KMO: variants seen among roughly 807,000 people sequenced by gnomAD.
KMO encodes the protein kynurenine 3-hydroxylase.
KMO carries 24 observed loss-of-function variants against 57.8 expected under a neutral mutation model. The ratio of observed to expected loss-of-function variants is 0.42; its 90% CI spans 0.30 to 0.58. KMO has a LOEUF of 0.58. Ranked by LOEUF, KMO falls within the 20% of genes least tolerant of loss-of-function variation. The probability of loss-of-function intolerance (pLI) is 0.22; values close to 1 mark genes in which losing one functional copy is unlikely to be tolerated. For missense variants in KMO, 483 were observed against 588.2 expected (o/e 0.82, Z 1.85); for synonymous variants, 210 against 193.6 (o/e 1.08, Z -0.70).
intron 10 of KMO, among the ~76,000 whole-genome samples, chr1:241,577,967 C>G (rs553294881): frequency 5.2e-4 from 79 of 152,242 alleles, no homozygotes; most frequent in African/African-American, 1.8e-3. Context: ...CATCCCTGAC[C>G]CAGTGTTCTG....
chr1:241,587,062 G>T (rs1052923560), intron 11 of KMO, among the ~76,000 whole-genome samples: 1 of 152,036 alleles, frequency 6.6e-6, no homozygotes, highest in Non-Finnish European at 1.5e-5. Context: ...CTCTGCCTGC[G>T]CCTCCTAGCA....
intron 1 of KMO, among the ~76,000 whole-genome samples, chr1:241,548,378 G>C (rs1661233366): frequency 6.6e-6 from 1 of 152,178 alleles, no homozygotes; most frequent in South Asian, 2.1e-4. Flanking sequence ...ACAGAAGTCA[G>C]AATAATGTTT....
rs146945171 is a variant in KMO at position 241,562,326 on chromosome 1, C to T, written c.609C>T (p.Asn203=). 85 of 1,613,976 alleles carry T rather than the reference C, an allele frequency of 5.3e-5. No homozygotes were observed. In the African/African-American group the frequency reaches 6.9e-4, roughly 13 times the overall value. Residue 203 remains asparagine (N), a synonymous_variant, in exon 7 of 15, where the codon AAC becomes AAT. Transcript: ENST00000366559. Reference sequence around the variant, plus strand: ...TGGAGTTGACTATTCCACCTAAGAACGGAGATGTAAGTCCTTGCCCTTTTT... The same window carrying T: ...TGGAGTTGACTATTCCACCTAAGAATGGAGATGTAAGTCCTTGCCCTTTTT... ...GYMELTIPPK[N]GDYAMEPNYL...
At chr1:241,554,061 AT>A (rs1490206193) in intron 4 of KMO, among the ~76,000 whole-genome samples, 1 of 152,210 alleles carries the variant, frequency 6.6e-6, no homozygotes, top group African/African-American at 2.4e-5. Flanking sequence ...ACCAGCTTGC[AT>A]TATGACTTTA....
At chr1:241,586,616 A>AT (rs766183387) in intron 10 of KMO, 63 bp from the exon 11 acceptor site, 2 of 1,091,738 alleles carry the variant, frequency 1.8e-6, no homozygotes, top group African/African-American at 3.2e-5. Context: ...TTCAAAATCA[A>AT]TAATAAGGGT....
Position 241,592,140 on chromosome 1 carries a change from T to C in KMO, c.1448T>C (p.Leu483Pro). ...AVDSLEQISNLISR is the reference protein window; with the variant it reads ...AVDSLEQISNPISR The stretch of plus-strand genomic sequence containing the variant: ...GACTCCCTAGAACAAATTTCCAATC[T>C]CATTAGCAGGTGATAGAAAGGTTTT... The change falls in exon 15 of 15, where the codon CTC (leucine) becomes CCC (proline). Residue 483 changes from leucine to proline, a missense_variant. By Grantham distance (98) the Leu-to-Pro change is moderately conservative (BLOSUM62 -3). This residue lies in a region of KMO where 410 missense variants were observed against 492.3 expected (regional missense o/e 0.83). Coordinates refer to ENST00000366559, the MANE Select transcript of KMO (RefSeq NM_003679.5). 6.2e-7 allele frequency: 1 copy of C among 1,613,540 alleles called. No individual in the cohort carries two copies. Among genetic ancestry groups the C allele is most frequent in the Non-Finnish European group, 8.5e-7 (1 of 1,179,726 alleles).
rs768998943 is a variant in KMO, at chr1:241,532,391, C to T, written c.-54C>T. On this transcript the variant is annotated 5_prime_UTR_variant, in exon 1 of 15. Transcript: ENST00000366559. ...ATCAGTGTGTAGGAGACACAGAAAT[C>T]AGTGTCACTCAGTGACAGAAGCAAC... 1 of 1,610,538 alleles carries T rather than the reference C, an allele frequency of 6.2e-7. No homozygotes were observed. Among genetic ancestry groups the T allele is most frequent in the Non-Finnish European group, 8.5e-7 (1 of 1,178,250 alleles).
chr1:241,542,901 G>C (rs570187671), intron 1 of KMO, among the ~76,000 whole-genome samples: 1 of 152,230 alleles, frequency 6.6e-6, no homozygotes, highest in South Asian at 2.1e-4. Flanking sequence ...AAGTGAGAGG[G>C]GAAAGAAAAT....
chr1:241,548,899 G>A lies in KMO; in HGVS notation c.124+1G>A, dbSNP rs776150606. On this transcript the variant is annotated splice_donor_variant, in intron 2 of 14. Transcript: ENST00000366559. LOFTEE classifies it high-confidence loss of function. Reference sequence around the variant, plus strand: ...ATTGATGTATATGAAGCTAGGGAAGGTACGTCCATGGTGAAAAAAGCAGGA... The same window carrying A: ...ATTGATGTATATGAAGCTAGGGAAGATACGTCCATGGTGAAAAAAGCAGGA... The A allele has an allele frequency of 1.2e-6, 2 of 1,600,890 alleles. No homozygotes were observed. The highest frequency in any genetic ancestry group is 1.1e-5 in the South Asian group (1 of 90,718).
chr1:241,578,877 G>A (rs1662639703), intron 10 of KMO, among the ~76,000 whole-genome samples: 1 of 152,048 alleles, frequency 6.6e-6, no homozygotes, highest in South Asian at 2.1e-4. Flanking sequence ...GAAGGTGAAA[G>A]GCCCTTCTCA....
intron 10 of KMO, among the ~76,000 whole-genome samples, chr1:241,572,615 T>C (rs538387105): frequency 1.8e-4 from 28 of 152,242 alleles, no homozygotes; most frequent in African/African-American, 6.5e-4. Context: ...AAAAAATTCC[T>C]ATTGAGATTA....
chr1:241,588,566 A>G (rs1402692727), intron 11 of KMO, among the ~76,000 whole-genome samples, 182 bp from the exon 12 acceptor site: 3 of 151,672 alleles, frequency 2.0e-5, no homozygotes, highest in African/African-American at 7.2e-5. Flanking sequence ...TTATTTAATC[A>G]CAACAGGAAA....
At chr1:241,583,682 T>C (rs1662848280) in intron 10 of KMO, among the ~76,000 whole-genome samples, 1 of 152,210 alleles carries the variant, frequency 6.6e-6, no homozygotes, top group African/African-American at 2.4e-5. Flanking sequence ...ATATAATTGT[T>C]ATACTGTATT....
At chr1:241,555,018 G>C (rs1661559407) in intron 4 of KMO, among the ~76,000 whole-genome samples, 2 of 151,876 alleles carry the variant, frequency 1.3e-5, no homozygotes, top group South Asian at 4.2e-4. Flanking sequence ...CATAGGCGCT[G>C]TGTCTACCTT....
chr1:241,543,017 C>T (rs927755714), intron 1 of KMO, among the ~76,000 whole-genome samples: 4 of 152,136 alleles, frequency 2.6e-5, no homozygotes, highest in African/African-American at 4.8e-5. Flanking sequence ...TTTGAACCTC[C>T]GTTACACAGA....
intron 1 of KMO, among the ~76,000 whole-genome samples, chr1:241,537,605 C>T (rs1660793782): frequency 6.6e-6 from 1 of 152,108 alleles, no homozygotes; most frequent in African/African-American, 2.4e-5. Context: ...TTTCATGTTG[C>T]TGATAAAGAC....
intron 10 of KMO, among the ~76,000 whole-genome samples, chr1:241,583,409 G>T (rs1662833677): frequency 6.6e-6 from 1 of 152,132 alleles, no homozygotes; most frequent in Non-Finnish European, 1.5e-5. Context: ...CCCCAGGGTG[G>T]GTATAGAAAT....
chr1:241,551,716 C>T (rs1661398585), intron 4 of KMO, among the ~76,000 whole-genome samples: 1 of 152,204 alleles, frequency 6.6e-6, no homozygotes, highest in Admixed American at 6.5e-5. Flanking sequence ...AAAACTCCAA[C>T]TTCCTTTATT....
intron 1 of KMO, among the ~76,000 whole-genome samples, chr1:241,541,434 T>A (rs1005611422): frequency 6.6e-6 from 1 of 152,078 alleles, no homozygotes; most frequent in Non-Finnish European, 1.5e-5. Flanking sequence ...GGCTGAGGAA[T>A]GGGAATAAGT....
Sources: gnomAD v4.1 joint callset for allele counts (sites outside exome capture counted in the v4.1 genomes callset) on GRCh38, gnomAD v4.1.1 for gene constraint, gnomAD v4.1.1 regional missense constraint, MANE v1.5 for transcripts, NCBI Gene and HGNC (gene_info 2026-07-23, HGNC 2026-07-21) for gene names.